TBC1D22A: variants seen among roughly 807,000 people sequenced by gnomAD.
The protein encoded by TBC1D22A is TBC1 domain family member 22A.
TBC1D22A carries 38 observed loss-of-function variants against 60.2 expected under a neutral mutation model. That is an observed-to-expected ratio of 0.63 (90% CI 0.49 to 0.83). TBC1D22A has a LOEUF of 0.83. Among genes scored for constraint, TBC1D22A ranks in the 40% least tolerant of loss-of-function variants. TBC1D22A has a pLI of 0.00. For synonymous variants in TBC1D22A, 302 were observed against 281.7 expected (o/e 1.07, Z -0.72); for missense variants, 628 against 701.0 (o/e 0.90, Z 1.18).
intron 4 of TBC1D22A, among the ~76,000 whole-genome samples, chr22:46,817,554 C>A (rs2085657673): frequency 2.0e-5 from 3 of 152,208 alleles, no homozygotes. Flanking sequence ...TAGCTTCCAG[C>A]TTCATCCATG....
intron 12 of TBC1D22A, among the ~76,000 whole-genome samples, chr22:47,121,647 C>T (rs73889259): frequency 0.022 from 3,299 of 152,104 alleles, 127 homozygotes; most frequent in African/African-American, 0.073. Context: ...AAACAAACCA[C>T]GGTGCTAGCC....
At chr22:46,792,653 C>G (rs1228991259) in intron 2 of TBC1D22A, 77 bp downstream of exon 2, 5 of 1,612,986 alleles carry the variant, frequency 3.1e-6, no homozygotes, top group Non-Finnish European at 4.2e-6. Flanking sequence ...CTTCCTGCTT[C>G]CTTCCTGCTC....
At chr22:47,004,771 C>T (rs1381119265) in intron 10 of TBC1D22A, among the ~76,000 whole-genome samples, 1 of 151,282 alleles carries the variant, frequency 6.6e-6, no homozygotes, top group Non-Finnish European at 1.5e-5. Flanking sequence ...TATACACACT[C>T]AGATGCCTAT....
At chr22:46,805,856 T>C (rs554075674) in intron 4 of TBC1D22A, among the ~76,000 whole-genome samples, 5 of 151,172 alleles carry the variant, frequency 3.3e-5, no homozygotes, top group Admixed American at 1.3e-4. Context: ...TCTTCTTCTT[T>C]TTTTTCTTTA....
intron 1 of TBC1D22A, among the ~76,000 whole-genome samples, chr22:46,767,657 G>A (rs2083332296): frequency 6.6e-6 from 1 of 152,190 alleles, no homozygotes; most frequent in South Asian, 2.1e-4. Flanking sequence ...AAGAGGACTA[G>A]GTGGCTTAGT....
At chr22:47,003,794 CAT>C (rs1569324831) in intron 10 of TBC1D22A, among the ~76,000 whole-genome samples, 1 of 137,746 alleles carries the variant, frequency 7.3e-6, no homozygotes, top group African/African-American at 2.7e-5. Context: ...CCTACACACA[CAT>C]GCCTGTACAC....
intron 8 of TBC1D22A, among the ~76,000 whole-genome samples, chr22:46,936,330 C>T (rs1007941706): frequency 1.3e-5 from 2 of 151,502 alleles, no homozygotes; most frequent in African/African-American, 4.9e-5. Flanking sequence ...CAGTTCTGCA[C>T]GCCCTCGTCC....
intron 1 of TBC1D22A, among the ~76,000 whole-genome samples, chr22:46,786,461 G>A (rs801610): frequency 0.011 from 1,625 of 152,212 alleles, 39 homozygotes; most frequent in African/African-American, 0.038. Flanking sequence ...ATACTGGTTT[G>A]TAGTTTTCTT....
chr22:47,153,393 T>A (rs2067581168), intron 12 of TBC1D22A, among the ~76,000 whole-genome samples: 1 of 152,016 alleles, frequency 6.6e-6, no homozygotes, highest in African/African-American at 2.4e-5. Flanking sequence ...GGTGGCTGAA[T>A]GGCTGTTGAG....
intron 4 of TBC1D22A, among the ~76,000 whole-genome samples, chr22:46,821,053 C>CTTTT (rs139587): frequency 2.4e-5 from 3 of 123,958 alleles, no homozygotes; most frequent in Non-Finnish European, 5.0e-5. Flanking sequence ...GCAACCCCTG[C>CTTTT]TTTTTTTTTT....
intron 10 of TBC1D22A, among the ~76,000 whole-genome samples, chr22:47,007,822 C>T (rs1375856632): frequency 6.6e-6 from 1 of 152,152 alleles, no homozygotes. Context: ...TAATCACTTC[C>T]TTAGAAGCCC....
At chr22:46,972,788 C>T (rs1307305328) in intron 8 of TBC1D22A, among the ~76,000 whole-genome samples, 1 of 152,168 alleles carries the variant, frequency 6.6e-6, no homozygotes, top group African/African-American at 2.4e-5. Context: ...ATTATCTCTC[C>T]GTTTACAAAA....
intron 4 of TBC1D22A, among the ~76,000 whole-genome samples, chr22:46,850,233 T>C (rs1461531434): frequency 6.6e-6 from 1 of 152,182 alleles, no homozygotes; most frequent in Non-Finnish European, 1.5e-5. Flanking sequence ...GGAGACAGGC[T>C]GCTGTGTGCC....
intron 4 of TBC1D22A, among the ~76,000 whole-genome samples, chr22:46,853,150 G>C: frequency 6.6e-6 from 1 of 152,272 alleles, no homozygotes; most frequent in Non-Finnish European, 1.5e-5. Context: ...CTGAGCATCC[G>C]TGTGTGTTTC....
intron 1 of TBC1D22A, among the ~76,000 whole-genome samples, chr22:46,776,524 GTAGGGAAGGTTTCTGAGCAGGAGTGA>G (rs1258329558): frequency 6.6e-6 from 1 of 152,050 alleles, no homozygotes; most frequent in African/African-American, 2.4e-5. Context: ...TGTGTTTGGA[GTAGGGAAGGTTTCTGAGCAGGAGTGA>G]CCTGATCAGA....
chr22:46,991,831 G>A (rs553759837), intron 9 of TBC1D22A, among the ~76,000 whole-genome samples: 1 of 152,302 alleles, frequency 6.6e-6, no homozygotes, highest in South Asian at 2.1e-4. Context: ...CCCTCCAGCT[G>A]CCCTGGCCTC....
intron 1 of TBC1D22A, among the ~76,000 whole-genome samples, chr22:46,767,384 C>G (rs1169951392): frequency 1.3e-5 from 2 of 152,198 alleles, no homozygotes; most frequent in Non-Finnish European, 2.9e-5. Context: ...TAGCACGATT[C>G]TCTTTGAGGA....
At chr22:46,968,013 G>A (rs1003314017) in intron 8 of TBC1D22A, among the ~76,000 whole-genome samples, 2 of 152,242 alleles carry the variant, frequency 1.3e-5, no homozygotes, top group African/African-American at 2.4e-5. Flanking sequence ...CACAGAGGTG[G>A]GGTGGGGGGC....
At position 47,085,745 on chromosome 22, in the gene TBC1D22A, A is replaced by G. The variant is rs188347653; in HGVS notation, c.1330-25763A>G. ...CAATAGAGAACTTTAATTCTTTCTTATCAGTGTGTGAGTTATCAAGTAGAA... is the reference window on the plus strand; with the variant it reads ...CAATAGAGAACTTTAATTCTTTCTTGTCAGTGTGTGAGTTATCAAGTAGAA... On this transcript the variant is annotated intron_variant, in intron 11 of 12. Coordinates refer to ENST00000337137, the MANE Select transcript of TBC1D22A (RefSeq NM_014346.5). Among the ~76,000 whole-genome samples, 127 of 152,328 alleles carry G rather than the reference A, an allele frequency of 8.3e-4. No individual in the cohort carries two copies. In the Middle Eastern group the frequency reaches 0.01, roughly 12 times the overall value.
Sources: gnomAD v4.1 joint callset for allele counts (sites outside exome capture counted in the v4.1 genomes callset) on GRCh38, gnomAD v4.1.1 for gene constraint, MANE v1.5 for transcripts, NCBI Gene and HGNC (gene_info 2026-07-23, HGNC 2026-07-21) for gene names.